Variants in SUCO observed in about 807,000 individuals in gnomAD.
SUCO encodes the protein SUN domain-containing ossification factor.
Under a neutral mutation model 148.1 loss-of-function variants are expected in SUCO, and 57 were observed. The observed-to-expected ratio is 0.38, with a 90% CI of 0.31 to 0.48. The LOEUF (loss-of-function observed/expected upper bound fraction) is 0.48, where lower values mean the gene tolerates loss of function less well. Among genes scored for constraint, SUCO ranks in the 20% least tolerant of loss-of-function variants. SUCO has a pLI of 0.96. For missense variants in SUCO, 1,331 were observed against 1,468.2 expected, an observed-to-expected ratio of 0.91 and a Z score of 1.53; for synonymous variants, 470 against 502.7, an observed-to-expected ratio of 0.93 and a Z score of 0.87.
intron 4 of SUCO, 142 bp downstream of exon 4, chr1:172,556,165 G>A: frequency 3.3e-6 from 2 of 602,810 alleles, no homozygotes; most frequent in South Asian, 2.2e-5. Context: ...CTTGTGTTTT[G>A]TGTGCGTATG....
chr1:172,610,436 A>G lies in SUCO; in HGVS notation c.*177A>G. 1 of 953,546 alleles carries G rather than the reference A, an allele frequency of 1.0e-6. No individual in the cohort carries two copies. Among genetic ancestry groups the G allele is most frequent in the Non-Finnish European group, 1.5e-6 (1 of 686,160 alleles). 59.1% of individuals were successfully genotyped at this position (953,546 alleles called of 1,614,324 possible). On this transcript the variant is annotated 3_prime_UTR_variant, in exon 24 of 24. Coordinates refer to ENST00000263688, the MANE Select transcript of SUCO (RefSeq NM_014283.5). ...TTGTGTCAATCTTGGTTAATGAGCTACAGTTTTACAAAGCTGATCACTTCC... is the reference window on the plus strand; with the variant it reads ...TTGTGTCAATCTTGGTTAATGAGCTGCAGTTTTACAAAGCTGATCACTTCC...
At chr1:172,577,326 A>G (rs146641459) in intron 11 of SUCO, among the ~76,000 whole-genome samples, 47 of 151,860 alleles carry the variant, frequency 3.1e-4, no homozygotes, top group African/African-American at 8.2e-4. Flanking sequence ...TTTCATTGCA[A>G]TCATTTAGAT....
chr1:172,548,372 T>C (rs910487866), intron 1 of SUCO, among the ~76,000 whole-genome samples: 1 of 151,944 alleles, frequency 6.6e-6, no homozygotes, highest in East Asian at 1.9e-4. Context: ...AAGAACCAAC[T>C]TTTGATTTTC....
chr1:172,576,918 C>A, intron 11 of SUCO: 1 of 756,726 alleles, frequency 1.3e-6, no homozygotes, highest in Non-Finnish European at 1.6e-6. Flanking sequence ...CTTAAAATAA[C>A]TACACCCAAA....
intron 19 of SUCO, among the ~76,000 whole-genome samples, chr1:172,591,899 A>G (rs182039337): frequency 5.6e-4 from 86 of 152,226 alleles, no homozygotes; most frequent in Admixed American, 1.1e-3. Flanking sequence ...CCAACCAGCA[A>G]TGTAACAGTG....
intron 14 of SUCO, 32 bp downstream of exon 14, chr1:172,578,421 A>C: frequency 1.3e-6 from 2 of 1,581,832 alleles, no homozygotes; most frequent in Non-Finnish European, 1.7e-6. Flanking sequence ...ACTGTTAGGT[A>C]TATTTTTTTT....
chr1:172,569,466 G>T, intron 7 of SUCO: 1 of 981,094 alleles, frequency 1.0e-6, no homozygotes, highest in Non-Finnish European at 1.2e-6. Flanking sequence ...AAAAGAACTT[G>T]CATAAAATCC....
At chr1:172,557,441 C>T (rs1340964025) in intron 5 of SUCO, 24 bp downstream of exon 5, 2 of 1,613,024 alleles carry the variant, frequency 1.2e-6, no homozygotes, top group Non-Finnish European at 1.7e-6. Flanking sequence ...GTTGTTTGTC[C>T]TTCTTATGAT....
At chr1:172,606,003 T>A (rs1657841054) in intron 22 of SUCO, among the ~76,000 whole-genome samples, 1 of 151,474 alleles carries the variant, frequency 6.6e-6, no homozygotes. Flanking sequence ...ATTCTATAAA[T>A]TTTTTTATAT....
Position 172,589,745 on chromosome 1 carries a change from A to C in SUCO, c.2644A>C (p.Arg882=). 6.2e-7 allele frequency: 1 copy of C among 1,612,752 alleles called. No homozygotes were observed. Among genetic ancestry groups the C allele is most frequent in the Non-Finnish European group, 8.5e-7 (1 of 1,179,392 alleles). Residue 882 remains arginine, a synonymous_variant, in exon 18 of 24, where the codon AGG becomes CGG. Coordinates refer to ENST00000263688, the MANE Select transcript of SUCO (RefSeq NM_014283.5). ...PEDALLRGLQ[R]TATDFYAELQ... ...AGATGCCCTTTTGAGAGGGTTACAG[A>C]GGACAGCTACAGATTTTTATGCTGA... is the stretch of plus-strand genomic sequence containing the variant.
chr1:172,609,455 T>C, intron 23 of SUCO: 1 of 914,706 alleles, frequency 1.1e-6, no homozygotes, highest in Non-Finnish European at 1.3e-6. Flanking sequence ...GCTTTTCTCA[T>C]TTAAGAATCA....
chr1:172,567,568 G>A (rs958077819), intron 6 of SUCO, among the ~76,000 whole-genome samples: 5 of 151,936 alleles, frequency 3.3e-5, no homozygotes, highest in African/African-American at 1.2e-4. Flanking sequence ...TTTGAGATTT[G>A]TTCATTGTTT....
intron 22 of SUCO, among the ~76,000 whole-genome samples, chr1:172,604,347 G>A (rs548072802): frequency 5.3e-5 from 8 of 151,930 alleles, no homozygotes; most frequent in Middle Eastern, 3.4e-3. Context: ...GAGTAGAGTA[G>A]GTAGGAGACT....
chr1:172,532,821 G>T (rs1307921948), upstream of SUCO: 1 of 1,584,532 alleles, frequency 6.3e-7, no homozygotes, highest in Non-Finnish European at 8.6e-7. Context: ...AAGGGGAAAT[G>T]CTGAGGATCA....
rs1162207259 is a variant in SUCO, at chr1:172,589,773, T to G, written c.2672T>G (p.Leu891Trp). The part of the protein sequence containing the change: ...QRTATDFYAE[L>W]QNSTDLGYAN... ...ACAGCTACAGATTTTTATGCTGAAT[T>G]GCAAAATTCTACAGATCTAGGATAT... Residue 891 changes from leucine (L) to tryptophan (W), a missense_variant, in exon 18 of 24, where the codon TTG becomes TGG. Physicochemically the swap from Leu to Trp is moderately conservative, Grantham distance 61. Coordinates refer to ENST00000263688, the MANE Select transcript of SUCO (RefSeq NM_014283.5). 3.1e-6 allele frequency: 5 copies of G among 1,612,096 alleles called. No individual in the cohort carries two copies. Among genetic ancestry groups the G allele is most frequent in the Non-Finnish European group, 4.2e-6 (5 of 1,179,294 alleles).
chr1:172,592,201 A>G (rs1389162576), intron 19 of SUCO, among the ~76,000 whole-genome samples: 1 of 152,156 alleles, frequency 6.6e-6, no homozygotes, highest in Non-Finnish European at 1.5e-5. Context: ...GGTAGATTGC[A>G]AAAATTTTCT....
At chr1:172,555,621 A>G (rs1391125518) in intron 3 of SUCO, among the ~76,000 whole-genome samples, 1 of 152,220 alleles carries the variant, frequency 6.6e-6, no homozygotes, top group Non-Finnish European at 1.5e-5. Context: ...AGTAGGAAAT[A>G]GGTAGGGAGA....
intron 1 of SUCO, among the ~76,000 whole-genome samples, chr1:172,549,063 T>G (rs183611421): frequency 1.3e-5 from 2 of 152,076 alleles, no homozygotes; most frequent in Admixed American, 1.3e-4. Flanking sequence ...AATCGCTGTC[T>G]TAATAACATA....
rs377659455 is a variant in SUCO at position 172,591,034 on chromosome 1, T to C, written c.2876T>C (p.Val959Ala). ...CAAAAGGCTTTCAATAAAACAATCG[T>C]GAAACTTCAGAATACTTCAAGAATA... Reference protein sequence around the residue: ...EMQKAFNKTIVKLQNTSRIAE... With the variant: ...EMQKAFNKTIAKLQNTSRIAE... The change falls in exon 19 of 24, where the codon GTG (valine) becomes GCG (alanine). Residue 959 changes from valine to alanine, a missense_variant. Around this residue, in one of 3 missense-constraint regions of SUCO, gnomAD observed 334 missense variants for 352.3 expected, o/e 0.95. Transcript: ENST00000263688. 6.2e-7 allele frequency: 1 copy of C among 1,612,514 alleles called. No homozygotes were observed. Among genetic ancestry groups the C allele is most frequent in the Non-Finnish European group, 8.5e-7 (1 of 1,179,172 alleles).
Sources: allele counts gnomAD v4.1 joint callset (sites outside exome capture counted in the v4.1 genomes callset), GRCh38; gene constraint gnomAD v4.1.1; regional missense constraint gnomAD v4.1.1; transcripts MANE v1.5; gene names NCBI Gene and HGNC (gene_info 2026-07-23, HGNC 2026-07-21).